SKIL: variants seen among roughly 807,000 people sequenced by gnomAD.
SKIL encodes the protein ski-like protein.
In SKIL, 20 loss-of-function variants were observed where a neutral mutation model predicts 69.6. The observed-to-expected ratio is 0.29, with a 90% confidence interval of 0.20 to 0.42. The LOEUF is 0.42. SKIL is among the 10% of genes least tolerant of loss of function. The probability of loss-of-function intolerance (pLI) is 1.00; values close to 1 mark genes in which losing one functional copy is unlikely to be tolerated. For missense variants in SKIL, 745 were observed against 783.1 expected, an observed-to-expected ratio of 0.95 and a Z score of 0.58; for synonymous variants, 310 against 279.9, an observed-to-expected ratio of 1.11 and a Z score of -1.08.
chr3:170,365,492 C>T (rs1265607445), intron 2 of SKIL, among the ~76,000 whole-genome samples: 1 of 152,114 alleles, frequency 6.6e-6, no homozygotes, highest in Non-Finnish European at 1.5e-5. Context: ...ATATCGTGCA[C>T]ATATTCCAGA....
chr3:170,372,055 A>G (rs1363291625), intron 2 of SKIL, among the ~76,000 whole-genome samples: 1 of 152,238 alleles, frequency 6.6e-6, no homozygotes, highest in African/African-American at 2.4e-5. Flanking sequence ...ATTTTTGACA[A>G]ATAGTGGAAA....
rs200376754 is a variant in SKIL, at chr3:170,378,551, C to T, written c.1099-2693C>T. 0.032 allele frequency among the ~76,000 whole-genome samples: 1,564 copies of T among 48,474 alleles called. 27 individuals carry two copies. In the East Asian group the frequency reaches 0.33, roughly 10 times the overall value. 31.8% of individuals were successfully genotyped at this position (48,474 alleles called of 152,430 possible). ...ATTGGGAATTGGACTCTCTCTCTCT[C>T]TCTTTTTTTTTTTTTTTGGAGACAA... On this transcript the variant is annotated intron_variant, in intron 2 of 6. Transcript: ENST00000259119.
At position 170,392,313 on chromosome 3, in the gene SKIL, C is replaced by A; in HGVS notation, c.1951C>A (p.Gln651Lys). 6.2e-7 allele frequency: 1 copy of A among 1,613,240 alleles called. No individual in the cohort carries two copies. The highest frequency in any genetic ancestry group is 8.5e-7 in the Non-Finnish European group (1 of 1,179,372). The change falls in exon 7 of 7, where the codon CAA (glutamine) becomes AAA (lysine). Residue 651 changes from glutamine to lysine, a missense_variant. Physicochemically the swap from Gln to Lys is moderately conservative, Grantham distance 53 (BLOSUM62 1). Transcript: ENST00000259119. ...DHAEADRQEL[Q>K]DELRQEREAR... ...TGCTGAGGCCGATAGGCAAGAACTCCAAGATGAACTCAGACAGGAACGGGA... is the reference window on the plus strand; with the variant it reads ...TGCTGAGGCCGATAGGCAAGAACTCAAAGATGAACTCAGACAGGAACGGGA...
chr3:170,381,526 G>T (rs1311648478), intron 3 of SKIL, among the ~76,000 whole-genome samples, 185 bp downstream of exon 3: 1 of 151,930 alleles, frequency 6.6e-6, no homozygotes, highest in African/African-American at 2.4e-5. Flanking sequence ...TCCGCCTCAC[G>T]GGTTCAAGCG....
In SKIL at chr3:170,381,230, A is replaced by G. The variant is rs1428078370; in HGVS notation, c.1099-14A>G. On this transcript the variant is annotated splice_polypyrimidine_tract_variant and intron_variant, in intron 2 of 6. Transcript: ENST00000259119. The stretch of plus-strand genomic sequence containing the variant: ...TTACTTCAATAAATGTTTCCCTTCC[A>G]TGTTTTTCTGCAGACAGATGCACCA... 1 of 1,412,324 alleles carries G rather than the reference A, an allele frequency of 7.1e-7. No individual in the cohort carries two copies. The highest frequency in any genetic ancestry group is 1.0e-6 in the Non-Finnish European group (1 of 996,288). 87.5% of individuals were successfully genotyped at this position (1,412,324 alleles called of 1,614,324 possible).
intron 2 of SKIL, among the ~76,000 whole-genome samples, chr3:170,375,980 T>G (rs755055361): frequency 7.9e-5 from 12 of 152,278 alleles, no homozygotes; most frequent in African/African-American, 2.6e-4. Context: ...AGAGGAGCTT[T>G]CTTTGTTTTT....
At chr3:170,361,481 A>G in intron 2 of SKIL, 52 bp downstream of exon 2, 1 of 1,363,196 alleles carries the variant, frequency 7.3e-7, no homozygotes, top group South Asian at 1.4e-5. Context: ...CTTTGAAATG[A>G]AAATTCTATG....
chr3:170,371,030 G>C (rs1195450309), intron 2 of SKIL, among the ~76,000 whole-genome samples: 1 of 152,108 alleles, frequency 6.6e-6, no homozygotes, highest in Non-Finnish European at 1.5e-5. Context: ...AAATTTTTTT[G>C]TGTGATTATG....
rs1027591792 is a variant in SKIL at position 170,361,406 on chromosome 3, A to G, written c.1075A>G (p.Ser359Gly). The change falls in exon 2 of 7, where the codon AGT (serine) becomes GGT (glycine). Residue 359 changes from serine to glycine, a missense_variant. Ser to Gly is a moderately conservative substitution (Grantham distance 56). Coordinates refer to ENST00000259119, the MANE Select transcript of SKIL (RefSeq NM_005414.5). ...AATGAAGGAGAAGTTTAGCATGAGAAGTGGAAAGAGAAATCAATCCAAGGC... is the reference window on the plus strand; with the variant it reads ...AATGAAGGAGAAGTTTAGCATGAGAGGTGGAAAGAGAAATCAATCCAAGGC... ...EEMKEKFSMR[S>G]GKRNQSKTDA... is the part of the protein sequence containing the mutation. The G allele has an allele frequency of 2.5e-6, 4 of 1,581,194 alleles. No homozygotes were observed. Among genetic ancestry groups the G allele is most frequent in the Non-Finnish European group, 3.4e-6 (4 of 1,168,246 alleles).
intron 2 of SKIL, among the ~76,000 whole-genome samples, chr3:170,373,235 C>T (rs200490451): frequency 1.7e-4 from 25 of 150,678 alleles, no homozygotes; most frequent in African/African-American, 5.6e-4. Context: ...GGTGTGATCT[C>T]GGCTCACTAC....
rs549929600 is a variant in SKIL, at chr3:170,368,111, T to A, written c.1098+6682T>A. On this transcript the variant is annotated intron_variant, in intron 2 of 6. Coordinates refer to ENST00000259119, the MANE Select transcript of SKIL (RefSeq NM_005414.5). ...GATAAGGAACAGTAGAATGGGCAAC[T>A]ACAAAGAGTTGTGTTGGGACAGAAT... Among the ~76,000 whole-genome samples the A allele has an allele frequency of 1.5e-3, 225 of 152,354 alleles. 2 individuals carry two copies. Among genetic ancestry groups the A allele is most frequent in the Middle Eastern group, 6.8e-3 (2 of 294 alleles).
chr3:170,358,941 C>G (rs952087718), intron 1 of SKIL, among the ~76,000 whole-genome samples: 1 of 152,170 alleles, frequency 6.6e-6, no homozygotes, highest in Non-Finnish European at 1.5e-5. Context: ...TGTACACGGA[C>G]TAGCTGAATT....
rs1179535823 is a variant in SKIL at position 170,395,256 on chromosome 3, A to G, written c.*2839A>G. On this transcript the variant is annotated 3_prime_UTR_variant, in exon 7 of 7. Coordinates refer to ENST00000259119, the MANE Select transcript of SKIL (RefSeq NM_005414.5). Reference sequence around the variant, plus strand: ...GCTCTTCAACTACCCTAAATTTCACAAATGTAACTTATAACACTATGAAAA... The same window carrying G: ...GCTCTTCAACTACCCTAAATTTCACGAATGTAACTTATAACACTATGAAAA... The G allele has an allele frequency of 6.6e-6, 1 of 152,136 alleles. No individual in the cohort carries two copies. Among genetic ancestry groups the G allele is most frequent in the African/African-American group, 2.4e-5 (1 of 41,446 alleles). The allele number at this position is 152,136 out of a possible 1,614,324, so 9.4% of individuals were successfully genotyped here. A position where few individuals can be genotyped will look rare whatever the true frequency, so the allele number is the denominator to read the frequency against.
At chr3:170,364,887 C>T (rs6763533) in intron 2 of SKIL, among the ~76,000 whole-genome samples, 140,913 of 152,260 alleles carry the variant, frequency 0.93, 65,323 homozygotes, top group East Asian at 1. Flanking sequence ...GTGTGAGTTT[C>T]TTTCTGATCT....
chr3:170,383,389 A>G (rs533005594), intron 3 of SKIL, among the ~76,000 whole-genome samples: 29 of 152,352 alleles, frequency 1.9e-4, no homozygotes, highest in African/African-American at 5.3e-4. Context: ...AGAAAATGAA[A>G]TGTAAGAGGA....
intron 2 of SKIL, among the ~76,000 whole-genome samples, chr3:170,365,167 A>G (rs962814054): frequency 2.0e-5 from 3 of 146,998 alleles, no homozygotes; most frequent in Non-Finnish European, 4.6e-5. Flanking sequence ...GTGAATGACA[A>G]TATTTCCACC....
chr3:170,370,055 T>G lies in SKIL; in HGVS notation c.1098+8626T>G, dbSNP rs188333479. ...GAGATCGAGACCATCCTGGCTAACATGGTGAAACCCCGTCTCTACTAAAAA... is the reference window on the plus strand; with the variant it reads ...GAGATCGAGACCATCCTGGCTAACAGGGTGAAACCCCGTCTCTACTAAAAA... On this transcript the variant is annotated intron_variant, in intron 2 of 6. Coordinates refer to ENST00000259119, the MANE Select transcript of SKIL (RefSeq NM_005414.5). 5.5e-3 allele frequency among the ~76,000 whole-genome samples: 840 copies of G among 151,718 alleles called. 5 individuals carry two copies. The highest frequency in any genetic ancestry group is 0.019 in the African/African-American group (802 of 41,358).
chr3:170,361,987 A>G (rs534958943), intron 2 of SKIL, among the ~76,000 whole-genome samples: 54 of 152,034 alleles, frequency 3.6e-4, no homozygotes, highest in Non-Finnish European at 4.7e-4. Flanking sequence ...TGTTATCTCC[A>G]TTTGCAAATG....
At chr3:170,381,495 C>T (rs1159902180) in intron 3 of SKIL, among the ~76,000 whole-genome samples, 154 bp downstream of exon 3, 11 of 152,140 alleles carry the variant, frequency 7.2e-5, no homozygotes, top group Middle Eastern at 3.4e-3. Flanking sequence ...TGCAGTGGCG[C>T]GATCTCGTCT....
Sources: allele counts gnomAD v4.1 joint callset (sites outside exome capture counted in the v4.1 genomes callset), GRCh38; gene constraint gnomAD v4.1.1; transcripts MANE v1.5; gene names NCBI Gene and HGNC (gene_info 2026-07-23, HGNC 2026-07-21).